MGAT4C: variants seen among roughly 807,000 people sequenced by gnomAD.
The protein encoded by MGAT4C is MGAT4 family member C.
Under a neutral mutation model 40.1 loss-of-function variants are expected in MGAT4C, and 19 were observed. The observed-to-expected ratio is 0.47, with a 90% CI of 0.33 to 0.70. The LOEUF (loss-of-function observed/expected upper bound fraction) is 0.70, where lower values mean the gene tolerates loss of function less well. Ranked by LOEUF, MGAT4C falls within the 30% of genes least tolerant of loss-of-function variation. The pLI, the probability that MGAT4C is intolerant of heterozygous loss-of-function variation, is 0.02. For synonymous variants in MGAT4C, 181 were observed against 187.1 expected (o/e 0.97, Z 0.27); for missense variants, 491 against 563.2 (o/e 0.87, Z 1.30).
intron 1 of MGAT4C, among the ~76,000 whole-genome samples, chr12:86,066,363 T>C (rs142162267): frequency 0.016 from 2,393 of 151,738 alleles, 35 homozygotes; most frequent in South Asian, 0.036. Flanking sequence ...AAAACAGATA[T>C]ATAGACCAAA....
At chr12:86,372,415 CT>C (rs1955736105) in intron 3 of MGAT4C, among the ~76,000 whole-genome samples, 1 of 151,724 alleles carries the variant, frequency 6.6e-6, no homozygotes, top group Non-Finnish European at 1.5e-5. Flanking sequence ...TAGAACAAAA[CT>C]AATACTTTAA....
intron 1 of MGAT4C, among the ~76,000 whole-genome samples, chr12:86,191,747 T>G (rs1285116649): frequency 8.6e-6 from 1 of 116,092 alleles, no homozygotes; most frequent in African/African-American, 3.2e-5. Context: ...CTACAGGAGA[T>G]AAAGGTGTGT....
chr12:86,665,505 C>A (rs1043041639), intron 2 of MGAT4C, among the ~76,000 whole-genome samples: 2 of 151,850 alleles, frequency 1.3e-5, no homozygotes, highest in Non-Finnish European at 2.9e-5. Context: ...GCCTCCCCAG[C>A]AGCTGGGACT....
chr12:86,174,124 TAC>T (rs71445051), intron 1 of MGAT4C, among the ~76,000 whole-genome samples: 25,137 of 143,782 alleles, frequency 0.17, 2,161 homozygotes, highest in African/African-American at 0.2. Context: ...CACACACACA[TAC>T]ACACACACAC....
chr12:86,049,584 C>T (rs1892709238), intron 2 of MGAT4C, 90 bp downstream of exon 2: 1 of 622,408 alleles, frequency 1.6e-6, no homozygotes, highest in Non-Finnish European at 2.0e-6. Flanking sequence ...GTAGCTACTC[C>T]AGGACAATTT....
chr12:86,597,329 T>A (rs1961578555), intron 2 of MGAT4C, among the ~76,000 whole-genome samples: 1 of 152,156 alleles, frequency 6.6e-6, no homozygotes, highest in African/African-American at 2.4e-5. Context: ...CAGATTGACA[T>A]ATGATAAAGC....
intron 2 of MGAT4C, among the ~76,000 whole-genome samples, chr12:85,992,758 C>G (rs1886101101): frequency 6.6e-6 from 1 of 152,350 alleles, no homozygotes; most frequent in African/African-American, 2.4e-5. Flanking sequence ...AGGAAGAAAG[C>G]TTTTCTGTGA....
intron 3 of MGAT4C, among the ~76,000 whole-genome samples, chr12:86,410,883 G>A (rs551415584): frequency 2.6e-5 from 4 of 152,022 alleles, no homozygotes; most frequent in African/African-American, 7.2e-5. Flanking sequence ...CCCTCCATTC[G>A]GGGTCCCTGA....
rs537671759 is a variant in MGAT4C, at chr12:86,523,961, T to C, written c.-228-88696A>G. ...GGTAGATTTTTCTTCATCCCTTTAT[T>C]TTGAGACTATGTGTGTTATTGTATG... On this transcript the variant is annotated intron_variant, in intron 2 of 7. Transcript: ENST00000548651. Among the ~76,000 whole-genome samples, 3 of 152,276 alleles carry C rather than the reference T, an allele frequency of 2.0e-5. No individual in the cohort carries two copies. In the South Asian group the frequency reaches 6.2e-4, roughly 32 times the overall value.
At chr12:86,006,749 A>G (rs1887925173) in intron 2 of MGAT4C, among the ~76,000 whole-genome samples, 3 of 152,202 alleles carry the variant, frequency 2.0e-5, no homozygotes, top group Admixed American at 2.0e-4. Context: ...TGACAAATCT[A>G]TCTTGCCTTA....
rs149778943 is a variant in MGAT4C at position 86,303,712 on chromosome 12, C to T, written c.-57+30353G>A. ...CTATTATATTATTACCTTCTGTATA[C>T]AGAAACATAAAAATTAATCCCTTAA... is the stretch of plus-strand genomic sequence containing the variant. On this transcript the variant is annotated intron_variant, in intron 4 of 7. Transcript: ENST00000548651. 3.7e-3 allele frequency among the ~76,000 whole-genome samples: 563 copies of T among 150,378 alleles called. 40 individuals are homozygous for T. Among genetic ancestry groups the T allele is most frequent in the African/African-American group, 0.01 (410 of 39,942 alleles).
At chr12:86,334,972 A>G (rs1954750426) in intron 3 of MGAT4C, among the ~76,000 whole-genome samples, 1 of 152,138 alleles carries the variant, frequency 6.6e-6, no homozygotes, top group African/African-American at 2.4e-5. Flanking sequence ...AAATGTATTC[A>G]GAAAAATTCA....
intron 4 of MGAT4C, among the ~76,000 whole-genome samples, chr12:86,301,881 A>G (rs1953821375): frequency 6.6e-6 from 1 of 152,240 alleles, no homozygotes; most frequent in Non-Finnish European, 1.5e-5. Context: ...TATATCTTAT[A>G]TTAATGGAAT....
intron 2 of MGAT4C, 35 bp downstream of exon 2, chr12:86,049,639 C>G: frequency 1.1e-6 from 1 of 952,064 alleles, no homozygotes; most frequent in Non-Finnish European, 1.3e-6. Flanking sequence ...AGTGTAGTAC[C>G]TTAGAATACT....
rs1225787438 is a variant in MGAT4C at position 85,967,665 on chromosome 12, G to T, written c.*11624C>A. 1 of 151,980 alleles carries T rather than the reference G, an allele frequency of 6.6e-6. No homozygotes were observed. Among genetic ancestry groups the T allele is most frequent in the Non-Finnish European group, 1.5e-5 (1 of 67,948 alleles). 9.4% of individuals were successfully genotyped at this position (151,980 alleles called of 1,614,324 possible). A position where few individuals can be genotyped will look rare whatever the true frequency, so the allele number is the denominator to read the frequency against. On this transcript the variant is annotated 3_prime_UTR_variant, in exon 5 of 5. Coordinates refer to ENST00000611864, the MANE Select transcript of MGAT4C (RefSeq NM_001351288.2). ...AAATAAGACAGAGCATTAAAATAAT[G>T]TATTCATTGATCTCATAAAGAATAG...
intron 2 of MGAT4C, among the ~76,000 whole-genome samples, chr12:86,548,053 C>A (rs1316304246): frequency 1.3e-5 from 2 of 152,120 alleles, no homozygotes; most frequent in Non-Finnish European, 2.9e-5. Context: ...GATCATGATA[C>A]ATACATATGC....
At chr12:86,306,952 A>C (rs1953947757) in intron 4 of MGAT4C, among the ~76,000 whole-genome samples, 1 of 150,510 alleles carries the variant, frequency 6.6e-6, no homozygotes, top group Non-Finnish European at 1.5e-5. Context: ...TATGTTTGAA[A>C]ATTTTCATAA....
intron 2 of MGAT4C, 83 bp from the exon 3 acceptor site, chr12:85,989,635 TG>T (rs2136718407): frequency 7.9e-7 from 1 of 1,269,028 alleles, no homozygotes; most frequent in African/African-American, 1.5e-5. Flanking sequence ...GTCAGGTCCT[TG>T]TAAAATTTCA....
chr12:86,482,540 T>G (rs1003288824), intron 2 of MGAT4C, among the ~76,000 whole-genome samples: 1 of 152,060 alleles, frequency 6.6e-6, no homozygotes, highest in Non-Finnish European at 1.5e-5. Context: ...AATTTACATT[T>G]TCTACCTTCT....
Sources: allele counts gnomAD v4.1 joint callset (sites outside exome capture counted in the v4.1 genomes callset), GRCh38; gene constraint gnomAD v4.1.1; transcripts MANE v1.5; gene names NCBI Gene and HGNC (gene_info 2026-07-23, HGNC 2026-07-21).